The following NFIB variants were observed in gnomAD, a reference collection of about 807,000 sequenced individuals.
NFIB encodes the protein nuclear factor I B.
In NFIB, 11 loss-of-function variants were observed where a neutral mutation model predicts 61.5. That is an observed-to-expected ratio of 0.18 (90% CI 0.11 to 0.30). The LOEUF is 0.30. NFIB is among the 10% of genes least tolerant of loss of function. The pLI is 1.00. For missense variants in NFIB, 471 were observed against 608.9 expected (o/e 0.77, Z 2.38); for synonymous variants, 260 against 216.5 (o/e 1.20, Z -1.76).
intron 1 of NFIB, among the ~76,000 whole-genome samples, chr9:14,355,892 G>A (rs1365435283): frequency 6.6e-6 from 1 of 151,924 alleles, no homozygotes; most frequent in Non-Finnish European, 1.5e-5. Context: ...GGGAGGCGGA[G>A]CTTGCAGTGA....
intron 1 of NFIB, among the ~76,000 whole-genome samples, chr9:14,338,143 C>G (rs2060905890): frequency 1.3e-5 from 2 of 152,112 alleles, no homozygotes; most frequent in African/African-American, 4.8e-5. Flanking sequence ...GCCTGTAATC[C>G]CAGCACTTTG....
chr9:14,123,833 C>G (rs1206103836), intron 7 of NFIB, among the ~76,000 whole-genome samples: 1 of 151,320 alleles, frequency 6.6e-6, no homozygotes, highest in Non-Finnish European at 1.5e-5. Context: ...TAGTTTGCCC[C>G]TCTGCCTCCC....
intron 3 of NFIB, among the ~76,000 whole-genome samples, chr9:14,157,881 G>T (rs1246942596): frequency 1.3e-5 from 2 of 152,002 alleles, no homozygotes; most frequent in East Asian, 3.9e-4. Flanking sequence ...GGGAGGCCGA[G>T]GTGGGTGGAT....
chr9:14,512,663 T>G, the NFIB span, among the ~76,000 whole-genome samples: 1 of 148,914 alleles, frequency 6.7e-6, no homozygotes, highest in Non-Finnish European at 1.5e-5. Flanking sequence ...TTATCAATAT[T>G]TCACTTAGCG....
At chr9:14,205,833 C>G (rs2131674069) in intron 2 of NFIB, among the ~76,000 whole-genome samples, 1 of 152,182 alleles carries the variant, frequency 6.6e-6, no homozygotes, top group South Asian at 2.1e-4. Flanking sequence ...ATATTGTTTA[C>G]TTAATTTTTT....
At chr9:14,382,576 G>A (rs925652272) in intron 1 of NFIB, among the ~76,000 whole-genome samples, 2 of 152,042 alleles carry the variant, frequency 1.3e-5, no homozygotes, top group African/African-American at 4.8e-5. Flanking sequence ...TTGGAAAATA[G>A]TTTGGCATTA....
chr9:14,196,811 A>G (rs993415498), intron 2 of NFIB, among the ~76,000 whole-genome samples: 16 of 152,100 alleles, frequency 1.1e-4, no homozygotes, highest in African/African-American at 3.9e-4. Context: ...TAGGCCGTTT[A>G]TGTAATCAGA....
At chr9:14,345,292 A>G (rs2061005445) in intron 1 of NFIB, among the ~76,000 whole-genome samples, 2 of 152,192 alleles carry the variant, frequency 1.3e-5, no homozygotes, top group Admixed American at 1.3e-4. Flanking sequence ...TCTAGTGCAA[A>G]GGAGGTAGCT....
the NFIB span, among the ~76,000 whole-genome samples, chr9:14,521,973 G>A: frequency 2.0e-5 from 3 of 152,134 alleles, no homozygotes; most frequent in African/African-American, 7.2e-5. Context: ...TGAAAGTTTA[G>A]GAGAAAGCCA....
upstream of NFIB, among the ~76,000 whole-genome samples, chr9:14,315,734 A>AC (rs1288268377): frequency 6.7e-6 from 1 of 148,668 alleles, no homozygotes; most frequent in Non-Finnish European, 1.5e-5. Flanking sequence ...CCCTTTCTGC[A>AC]CCCCCCGCCC....
rs111485444 is a variant in NFIB at position 14,155,624 on chromosome 9, T to C, written c.685+201A>G. On this transcript the variant is annotated intron_variant, in intron 4 of 10. Transcript: ENST00000380953. ...CAGAAAAACCCCAAAATTATTTTTGTACAACAAAAAGTTTTGATGATTTGA... is the reference window on the plus strand; with the variant it reads ...CAGAAAAACCCCAAAATTATTTTTGCACAACAAAAAGTTTTGATGATTTGA... 2.1e-3 allele frequency among the ~76,000 whole-genome samples: 322 copies of C among 152,286 alleles called. 2 individuals carry two copies. Among genetic ancestry groups the C allele is most frequent in the African/African-American group, 7.2e-3 (299 of 41,562 alleles).
intron 2 of NFIB, among the ~76,000 whole-genome samples, chr9:14,217,781 T>G (rs1299642059): frequency 6.6e-6 from 1 of 152,126 alleles, no homozygotes. Flanking sequence ...TTCAAGATAT[T>G]ACTTCACCAT....
At chr9:14,388,480 A>G in intron 1 of NFIB, among the ~76,000 whole-genome samples, 1 of 149,324 alleles carries the variant, frequency 6.7e-6, no homozygotes, top group Non-Finnish European at 1.5e-5. Context: ...AGAGAGAGAG[A>G]GAGAAAGAGA....
At chr9:14,512,874 G>A in the NFIB span, among the ~76,000 whole-genome samples, 1 of 148,732 alleles carries the variant, frequency 6.7e-6, no homozygotes, top group East Asian at 2.0e-4. Flanking sequence ...TTCCAGACAT[G>A]GAAATTATTT....
intron 2 of NFIB, among the ~76,000 whole-genome samples, chr9:14,284,486 C>T (rs1188690827): frequency 6.6e-6 from 1 of 152,096 alleles, no homozygotes; most frequent in African/African-American, 2.4e-5. Flanking sequence ...TGATGATTTA[C>T]AAACCTCATA....
intron 1 of NFIB, among the ~76,000 whole-genome samples, chr9:14,339,788 G>C (rs1023831811): frequency 2.6e-5 from 4 of 152,186 alleles, no homozygotes; most frequent in African/African-American, 7.2e-5. Flanking sequence ...GACTAGGGGA[G>C]AGAATTAAGG....
rs71491637 is a variant in NFIB, at chr9:14,187,027, A to ATGTGTG, written c.563-7253_563-7248dup. On this transcript the variant is annotated intron_variant, in intron 2 of 10. Transcript: ENST00000380953. The stretch of plus-strand genomic sequence containing the variant: ...CTCCTGTGTGTGTGTGTGTGTGTGT[A>ATGTGTG]TGTGTGTGTGTGTGTGTGTGTGTGT... Among the ~76,000 whole-genome samples, 301 of 60,992 alleles carry ATGTGTG rather than the reference A, an allele frequency of 4.9e-3. 3 individuals carry two copies. Among genetic ancestry groups the ATGTGTG allele is most frequent in the Admixed American group, 0.012 (72 of 6,174 alleles). The allele number at this position is 60,992 out of a possible 152,430, so 40.0% of individuals were successfully genotyped here. A position where few individuals can be genotyped will look rare whatever the true frequency, so the allele number is the denominator to read the frequency against.
the NFIB span, among the ~76,000 whole-genome samples, chr9:14,446,429 A>G: frequency 6.6e-6 from 1 of 151,954 alleles, no homozygotes; most frequent in Admixed American, 6.6e-5. Context: ...GTTTATTTTT[A>G]CTATTGTTTT....
intron 2 of NFIB, among the ~76,000 whole-genome samples, chr9:14,297,522 A>T (rs1463354863): frequency 6.6e-6 from 1 of 152,218 alleles, no homozygotes; most frequent in Non-Finnish European, 1.5e-5. Context: ...AGTAACAAAC[A>T]AACAAACAAA....
Sources: gnomAD v4.1 joint callset for allele counts (sites outside exome capture counted in the v4.1 genomes callset) on GRCh38, gnomAD v4.1.1 for gene constraint, MANE v1.5 for transcripts, NCBI Gene and HGNC (gene_info 2026-07-23, HGNC 2026-07-21) for gene names.